The following KCNAB1 variants were observed in gnomAD, a reference collection of about 807,000 sequenced individuals.
The protein encoded by KCNAB1 is voltage-gated potassium channel subunit beta-1.
A neutral mutation model predicts 64.6 loss-of-function variants in KCNAB1; 35 were observed. The observed-to-expected ratio is 0.54, with a 90% CI of 0.41 to 0.72. KCNAB1 has a LOEUF of 0.72. KCNAB1 is among the 30% of genes least tolerant of loss of function. The pLI, the probability that KCNAB1 is intolerant of heterozygous loss-of-function variation, is 0.00. For synonymous variants in KCNAB1, 177 were observed against 183.8 expected, an observed-to-expected ratio of 0.96 and a Z score of 0.30; for missense variants, 401 against 512.9, an observed-to-expected ratio of 0.78 and a Z score of 2.11.
At chr3:156,442,859 G>T (rs1433077366) in intron 2 of KCNAB1, among the ~76,000 whole-genome samples, 1 of 152,188 alleles carries the variant, frequency 6.6e-6, no homozygotes, top group East Asian at 1.9e-4. Context: ...GTCAAGGATG[G>T]CTCTGTGCAT....
intron 1 of KCNAB1, among the ~76,000 whole-genome samples, chr3:156,218,348 A>G (rs1370805554): frequency 6.6e-6 from 1 of 152,170 alleles, no homozygotes; most frequent in African/African-American, 2.4e-5. Context: ...AGCCCTGCCA[A>G]AGGAGAGGCT....
intron 1 of KCNAB1, among the ~76,000 whole-genome samples, chr3:156,231,570 G>T (rs1716534168): frequency 7.0e-6 from 1 of 142,272 alleles, no homozygotes; most frequent in Non-Finnish European, 1.5e-5. Context: ...TTCCTTCCTA[G>T]CTCCAGGAGA....
chr3:156,229,457 G>A (rs972958215), intron 1 of KCNAB1, among the ~76,000 whole-genome samples: 8 of 152,158 alleles, frequency 5.3e-5, no homozygotes, highest in Admixed American at 3.3e-4. Flanking sequence ...ATTACAATTC[G>A]ACATGAGATT....
chr3:156,381,053 A>C (rs574656969), intron 1 of KCNAB1, among the ~76,000 whole-genome samples: 5 of 152,192 alleles, frequency 3.3e-5, no homozygotes, highest in Admixed American at 6.5e-5. Context: ...ATCATTCCAC[A>C]CTGTAAGCGT....
chr3:156,443,739 TAC>T (rs71141708), intron 2 of KCNAB1, among the ~76,000 whole-genome samples: 45,131 of 141,358 alleles, frequency 0.32, 7,275 homozygotes, highest in Non-Finnish European at 0.39. Flanking sequence ...ATTTAGTCCT[TAC>T]ACACACACAC....
At chr3:156,419,681 T>C (rs1242759319) in intron 1 of KCNAB1, among the ~76,000 whole-genome samples, 1 of 152,186 alleles carries the variant, frequency 6.6e-6, no homozygotes, top group Non-Finnish European at 1.5e-5. Context: ...TACAAAGTTA[T>C]GCAAATATAA....
At chr3:156,216,606 C>T (rs2108403501) in intron 1 of KCNAB1, among the ~76,000 whole-genome samples, 1 of 152,140 alleles carries the variant, frequency 6.6e-6, no homozygotes, top group Middle Eastern at 3.4e-3. Context: ...TAGTACTAAC[C>T]CTGTGCATGA....
chr3:156,475,403 T>C (rs1714269524), intron 8 of KCNAB1, among the ~76,000 whole-genome samples: 1 of 152,222 alleles, frequency 6.6e-6, no homozygotes, highest in Admixed American at 6.5e-5. Flanking sequence ...TTTCAGAATG[T>C]TTCTAAAACC....
intron 11 of KCNAB1, among the ~76,000 whole-genome samples, chr3:156,516,668 A>T (rs1717587985): frequency 6.6e-6 from 1 of 152,226 alleles, no homozygotes; most frequent in South Asian, 2.1e-4. Context: ...TTCTTATATT[A>T]AAGAAAACAT....
At chr3:156,124,408 G>A (rs1713530045) in intron 1 of KCNAB1, among the ~76,000 whole-genome samples, 1 of 151,636 alleles carries the variant, frequency 6.6e-6, no homozygotes. Flanking sequence ...GTAGAGTTGG[G>A]GTTTCACCAT....
chr3:156,484,544 C>T lies in KCNAB1; in HGVS notation c.658+9724C>T, dbSNP rs1311521025. ...TTGTGACAAAATTTAACTCCATATT[C>T]TGAGGGGATGTTGACTGGATCTCAG... On this transcript the variant is annotated intron_variant, in intron 8 of 13. Coordinates refer to ENST00000490337, the MANE Select transcript of KCNAB1 (RefSeq NM_172160.3). Among the ~76,000 whole-genome samples, 4 of 152,054 alleles carry T rather than the reference C, an allele frequency of 2.6e-5. 1 individual carries two copies. The highest frequency in any genetic ancestry group is 5.9e-5 in the Non-Finnish European group (4 of 67,992).
intron 1 of KCNAB1, among the ~76,000 whole-genome samples, chr3:156,193,855 G>A (rs920001298): frequency 2.0e-5 from 3 of 152,074 alleles, no homozygotes; most frequent in African/African-American, 4.8e-5. Context: ...TGCTAGGTTA[G>A]GTGTATTAAA....
intron 8 of KCNAB1, among the ~76,000 whole-genome samples, chr3:156,492,988 A>G (rs1010051463): frequency 2.6e-5 from 4 of 152,208 alleles, no homozygotes; most frequent in African/African-American, 7.2e-5. Context: ...AATACTGTGC[A>G]TGTATTACTT....
chr3:156,410,250 T>G (rs904991634), intron 1 of KCNAB1, among the ~76,000 whole-genome samples: 1 of 152,224 alleles, frequency 6.6e-6, no homozygotes, highest in Non-Finnish European at 1.5e-5. Context: ...TCAGAATTGT[T>G]AACTCATAAC....
At chr3:156,359,989 A>C (rs1354514447) in intron 1 of KCNAB1, among the ~76,000 whole-genome samples, 1 of 152,178 alleles carries the variant, frequency 6.6e-6, no homozygotes, top group African/African-American at 2.4e-5. Context: ...TGAGCATCAA[A>C]ATAGCTATAC....
chr3:156,478,206 T>C (rs1714519005), intron 8 of KCNAB1, among the ~76,000 whole-genome samples: 1 of 152,144 alleles, frequency 6.6e-6, no homozygotes, highest in Admixed American at 6.5e-5. Flanking sequence ...GATACTACTT[T>C]TTTTCTTGTT....
At chr3:156,515,340 AT>A (rs1233911791) in intron 10 of KCNAB1, 120 bp downstream of exon 10, 2 of 890,332 alleles carry the variant, frequency 2.2e-6, no homozygotes, top group South Asian at 3.6e-5. Context: ...TAACATAGAC[AT>A]TGTAAGAACC....
chr3:156,136,067 T>C (rs1399914064), intron 1 of KCNAB1, among the ~76,000 whole-genome samples: 1 of 152,208 alleles, frequency 6.6e-6, no homozygotes, highest in Admixed American at 6.5e-5. Flanking sequence ...GTGAGAAGTC[T>C]AAGTCTCCCA....
At chr3:156,216,637 G>C (rs1037380880) in intron 1 of KCNAB1, among the ~76,000 whole-genome samples, 4 of 152,186 alleles carry the variant, frequency 2.6e-5, no homozygotes, top group African/African-American at 9.7e-5. Flanking sequence ...GTAGACTCTG[G>C]GGGAAGATAG....
Sources: gnomAD v4.1 joint callset for allele counts (sites outside exome capture counted in the v4.1 genomes callset) on GRCh38, gnomAD v4.1.1 for gene constraint, MANE v1.5 for transcripts, NCBI Gene and HGNC (gene_info 2026-07-23, HGNC 2026-07-21) for gene names.